Variants in PPP5C observed in about 807,000 individuals in gnomAD.
The protein encoded by PPP5C is protein phosphatase 5 catalytic subunit.
PPP5C carries 21 observed loss-of-function variants against 66.7 expected under a neutral mutation model. The ratio of observed to expected loss-of-function variants is 0.31; its 90% confidence interval spans 0.22 to 0.45. PPP5C has a LOEUF of 0.45. Ranked by LOEUF, PPP5C falls within the 20% of genes least tolerant of loss-of-function variation. The pLI is 1.00. For missense variants in PPP5C, 464 were observed against 675.9 expected (o/e 0.69, Z 3.48); for synonymous variants, 246 against 257.4 (o/e 0.96, Z 0.43).
Position 46,383,108 on chromosome 19 carries a change from G to T in PPP5C, c.634-303G>T. On this transcript the variant is annotated intron_variant, in intron 4 of 12. Coordinates refer to ENST00000012443, the MANE Select transcript of PPP5C (RefSeq NM_006247.4). The surrounding 1 kb of genome is among the most constrained non-coding windows in gnomAD (Gnocchi z 5.0). The stretch of plus-strand genomic sequence containing the variant: ...GTCCAGGCCAGTTCTTTTATAAAAT[G>T]TTCTACGATCTGGATTCATGCATGT... 2 of 1,258,694 alleles carry T rather than the reference G, an allele frequency of 1.6e-6. No homozygotes were observed. Among genetic ancestry groups the T allele is most frequent in the South Asian group, 3.0e-5 (2 of 67,186 alleles). 78.0% of individuals were successfully genotyped at this position (1,258,694 alleles called of 1,614,324 possible).
chr19:46,384,056 T>C, intron 6 of PPP5C, 178 bp downstream of exon 6: 1 of 612,740 alleles, frequency 1.6e-6, no homozygotes, highest in Non-Finnish European at 2.9e-6. Context: ...CACCCCAGGC[T>C]CCAGGCTCGG....
At chr19:46,371,094 A>G (rs1015128206) in intron 2 of PPP5C, among the ~76,000 whole-genome samples, 2 of 103,640 alleles carry the variant, frequency 1.9e-5, no homozygotes, top group Non-Finnish European at 4.1e-5. Context: ...CCTGACTCTC[A>G]TGATGGATGT....
At chr19:46,374,529 C>T (rs1972657263) in intron 2 of PPP5C, among the ~76,000 whole-genome samples, 1 of 152,166 alleles carries the variant, frequency 6.6e-6, no homozygotes, top group African/African-American at 2.4e-5. Flanking sequence ...GAATCCAGCC[C>T]CCAAATCCAG....
chr19:46,354,300 G>C (rs916625365), intron 2 of PPP5C, among the ~76,000 whole-genome samples: 1 of 152,022 alleles, frequency 6.6e-6, no homozygotes, highest in Non-Finnish European at 1.5e-5. Flanking sequence ...CCTTTCACAC[G>C]AGTAGACCAG....
chr19:46,387,016 G>A, intron 7 of PPP5C, 77 bp from the exon 8 acceptor site: 1 of 1,603,206 alleles, frequency 6.2e-7, no homozygotes, highest in Non-Finnish European at 8.5e-7. Flanking sequence ...CACAGTTCTG[G>A]GCCTTGAGGG....
At chr19:46,348,575 A>G (rs935440011) in intron 1 of PPP5C, among the ~76,000 whole-genome samples, 1 of 152,036 alleles carries the variant, frequency 6.6e-6, no homozygotes, top group South Asian at 2.1e-4. Context: ...CGGCCTCTCA[A>G]AGTGCTGGGA....
intron 2 of PPP5C, among the ~76,000 whole-genome samples, chr19:46,366,911 G>T (rs573162670): frequency 6.6e-6 from 1 of 152,234 alleles, no homozygotes; most frequent in African/African-American, 2.4e-5. Flanking sequence ...ATTTAAAGGG[G>T]CTCACCATAT....
intron 4 of PPP5C, among the ~76,000 whole-genome samples, chr19:46,377,869 T>C (rs1972724497): frequency 6.6e-6 from 1 of 152,272 alleles, no homozygotes. Context: ...ATGACTTGTT[T>C]ATGCAGTCTT....
At chr19:46,380,739 T>C (rs1972776176) in intron 4 of PPP5C, among the ~76,000 whole-genome samples, 1 of 152,232 alleles carries the variant, frequency 6.6e-6, no homozygotes, top group Admixed American at 6.5e-5. Context: ...TTTTTTCCCA[T>C]TGCCTTTTGA....
chr19:46,359,459 T>C (rs562157603), intron 2 of PPP5C, among the ~76,000 whole-genome samples: 2 of 152,032 alleles, frequency 1.3e-5, no homozygotes, highest in African/African-American at 4.8e-5. Flanking sequence ...ATGAGGAAAA[T>C]GAAACCCAGC....
chr19:46,380,205 A>G (rs1266496215), intron 4 of PPP5C, among the ~76,000 whole-genome samples: 1 of 152,126 alleles, frequency 6.6e-6, no homozygotes, highest in East Asian at 1.9e-4. Context: ...TTCTAATCCC[A>G]GCTGCTCGAG....
Position 46,383,070 on chromosome 19 carries a change from G to C in PPP5C, c.634-341G>C. 1 of 1,122,908 alleles carries C rather than the reference G, an allele frequency of 8.9e-7. No individual in the cohort carries two copies. The highest frequency in any genetic ancestry group is 1.7e-5 in the South Asian group (1 of 60,292). The allele number at this position is 1,122,908 out of a possible 1,614,324, so 69.6% of individuals were successfully genotyped here. On this transcript the variant is annotated intron_variant, in intron 4 of 12. Transcript: ENST00000012443. The surrounding 1 kb of genome is among the most constrained non-coding windows in gnomAD (Gnocchi z 5.0). ...TTTTGGGAGACTCTTTTATGACAGTGACATTGCGCTGTGTCCAGGCCAGTT... is the reference window on the plus strand; with the variant it reads ...TTTTGGGAGACTCTTTTATGACAGTCACATTGCGCTGTGTCCAGGCCAGTT...
chr19:46,382,675 A>G (rs7248458), intron 4 of PPP5C: 423,629 of 437,904 alleles, frequency 0.97, 204,963 homozygotes, highest in East Asian at 1. Context: ...ACCCATTTGA[A>G]AGTAAGTTGC....
chr19:46,361,024 C>G (rs1478679425), intron 2 of PPP5C, among the ~76,000 whole-genome samples: 1 of 151,964 alleles, frequency 6.6e-6, no homozygotes, highest in East Asian at 1.9e-4. Flanking sequence ...ATCTTTCTCT[C>G]CCTCTCCCCT....
intron 2 of PPP5C, among the ~76,000 whole-genome samples, chr19:46,355,607 G>C (rs1972271846): frequency 1.3e-5 from 2 of 152,104 alleles, no homozygotes; most frequent in Admixed American, 1.3e-4. Context: ...CAGCAGAGCA[G>C]AGGCCTTCCC....
intron 2 of PPP5C, among the ~76,000 whole-genome samples, chr19:46,364,718 G>A (rs1972461639): frequency 6.6e-6 from 1 of 152,072 alleles, no homozygotes. Context: ...GGACAAATAG[G>A]AAGTAGGTCT....
chr19:46,357,870 C>A (rs959017766), intron 2 of PPP5C, among the ~76,000 whole-genome samples: 1 of 152,174 alleles, frequency 6.6e-6, no homozygotes, highest in African/African-American at 2.4e-5. Context: ...CCAGTCCTTT[C>A]GGGTTTTTAT....
intron 2 of PPP5C, among the ~76,000 whole-genome samples, chr19:46,371,377 A>G (rs11671133): frequency 0.15 from 23,079 of 152,180 alleles, 2,268 homozygotes; most frequent in Middle Eastern, 0.25. Context: ...CACAACCACT[A>G]TTTCATCCAG....
chr19:46,352,626 C>G (rs957407769), intron 1 of PPP5C, among the ~76,000 whole-genome samples: 18 of 152,144 alleles, frequency 1.2e-4, no homozygotes, highest in African/African-American at 3.9e-4. Context: ...CGAGACCATC[C>G]TGGCTAACAC....
Sources: allele counts gnomAD v4.1 joint callset (sites outside exome capture counted in the v4.1 genomes callset), GRCh38; gene constraint gnomAD v4.1.1; non-coding constraint Gnocchi (gnomAD v3.1); transcripts MANE v1.5; gene names NCBI Gene and HGNC (gene_info 2026-07-23, HGNC 2026-07-21).